Variants in SPAG16 observed in about 807,000 individuals in gnomAD.
SPAG16 encodes the protein sperm-associated antigen 16 protein.
A neutral mutation model predicts 80.4 loss-of-function variants in SPAG16; 86 were observed. That is an observed-to-expected ratio of 1.07 (90% confidence interval 0.90 to 1.28). The LOEUF is 1.28. SPAG16 is among the 50% of genes most tolerant of loss of function. The probability of loss-of-function intolerance (pLI) is 0.00; values close to 1 mark genes in which losing one functional copy is unlikely to be tolerated. For synonymous variants in SPAG16, 294 were observed against 265.9 expected (o/e 1.11, Z -1.03); for missense variants, 870 against 765.3 (o/e 1.14, Z -1.61).
intron 15 of SPAG16, chr2:214,280,569 C>A (rs1576667120): frequency 5.1e-6 from 1 of 195,758 alleles, no homozygotes; most frequent in Non-Finnish European, 1.0e-5. Context: ...CACATATGGG[C>A]AACTGTTGTT....
intron 10 of SPAG16, among the ~76,000 whole-genome samples, chr2:213,597,571 G>T (rs1330344037): frequency 1.3e-5 from 2 of 151,958 alleles, no homozygotes; most frequent in Admixed American, 6.6e-5. Flanking sequence ...ACTTCATCTT[G>T]CTATATTATA....
In SPAG16 at chr2:214,258,732, T is replaced by G. The variant is rs191220563; in HGVS notation, c.1720+109466T>G. 7.2e-5 allele frequency among the ~76,000 whole-genome samples: 11 copies of G among 152,016 alleles called. No individual in the cohort carries two copies. The East Asian group carries it at 1.9e-3, about 27-fold the overall frequency. On this transcript the variant is annotated intron_variant, in intron 15 of 15. Transcript: ENST00000331683. ...TATGTTTCAATCTTTTAAGTTTTTATTCTTCAGATTGGATTATTTATATTA... is the reference window on the plus strand; with the variant it reads ...TATGTTTCAATCTTTTAAGTTTTTAGTCTTCAGATTGGATTATTTATATTA...
At chr2:213,691,035 G>A (rs2064922549) in intron 10 of SPAG16, among the ~76,000 whole-genome samples, 2 of 152,074 alleles carry the variant, frequency 1.3e-5, no homozygotes, top group Admixed American at 6.6e-5. Context: ...TACAGTGACG[G>A]AGGAGCCCTG....
chr2:214,198,648 T>C (rs925380408), intron 15 of SPAG16, among the ~76,000 whole-genome samples: 18 of 152,132 alleles, frequency 1.2e-4, no homozygotes, highest in Non-Finnish European at 2.6e-4. Flanking sequence ...ATGGTAGTTA[T>C]ACTTTTAGTT....
intron 10 of SPAG16, among the ~76,000 whole-genome samples, chr2:213,747,715 T>C (rs868080952): frequency 3.3e-5 from 5 of 152,200 alleles, no homozygotes; most frequent in Non-Finnish European, 5.9e-5. Context: ...TCTAGGTTTG[T>C]ATAAGTACAC....
chr2:214,326,016 C>T (rs972640677), intron 15 of SPAG16, among the ~76,000 whole-genome samples: 1 of 152,110 alleles, frequency 6.6e-6, no homozygotes, highest in Non-Finnish European at 1.5e-5. Context: ...GATTGAATAG[C>T]CCCTTCCATC....
At chr2:213,401,210 G>C (rs902859745) in intron 9 of SPAG16, among the ~76,000 whole-genome samples, 1 of 152,224 alleles carries the variant, frequency 6.6e-6, no homozygotes, top group East Asian at 1.9e-4. Context: ...ATATATGCTT[G>C]CACATTTAGG....
intron 15 of SPAG16, among the ~76,000 whole-genome samples, chr2:214,335,884 G>A (rs890227578): frequency 4.0e-5 from 6 of 148,788 alleles, no homozygotes; most frequent in African/African-American, 7.5e-5. Flanking sequence ...TCAGCCTCCC[G>A]AGTAGCTGGG....
chr2:214,157,549 AAT>A (rs1326441276), intron 15 of SPAG16, among the ~76,000 whole-genome samples: 1 of 152,052 alleles, frequency 6.6e-6, no homozygotes, highest in Non-Finnish European at 1.5e-5. Flanking sequence ...AACAACCAAA[AAT>A]ATATTAATTT....
At chr2:214,398,033 A>G (rs1309307107) in intron 15 of SPAG16, among the ~76,000 whole-genome samples, 2 of 151,988 alleles carry the variant, frequency 1.3e-5, no homozygotes, top group African/African-American at 2.4e-5. Flanking sequence ...ATAAGGGAAA[A>G]TTTTTACCCC....
intron 9 of SPAG16, among the ~76,000 whole-genome samples, chr2:213,477,004 T>G (rs2073438329): frequency 6.6e-6 from 1 of 152,170 alleles, no homozygotes; most frequent in South Asian, 2.1e-4. Flanking sequence ...TGTTGCCATC[T>G]GTGAAGCTGA....
chr2:213,631,692 T>C (rs1227602639), intron 10 of SPAG16, among the ~76,000 whole-genome samples: 1 of 152,226 alleles, frequency 6.6e-6, no homozygotes, highest in Non-Finnish European at 1.5e-5. Flanking sequence ...AGTTTGATTC[T>C]TCTGCTTACG....
chr2:214,154,245 G>T (rs1376285918), intron 15 of SPAG16, among the ~76,000 whole-genome samples: 3 of 152,214 alleles, frequency 2.0e-5, no homozygotes, highest in Admixed American at 6.5e-5. Context: ...TGTTTATGTA[G>T]TTTAGCAATA....
intron 1 of SPAG16, among the ~76,000 whole-genome samples, chr2:213,291,619 C>T (rs1432805882): frequency 6.6e-6 from 1 of 152,070 alleles, no homozygotes; most frequent in Non-Finnish European, 1.5e-5. Flanking sequence ...TTTGATTTAC[C>T]TGTTATTAAT....
At chr2:214,104,020 A>G (rs1438909535) in intron 13 of SPAG16, among the ~76,000 whole-genome samples, 4 of 152,110 alleles carry the variant, frequency 2.6e-5, no homozygotes, top group Non-Finnish European at 4.4e-5. Context: ...TGAAATCTAA[A>G]CAAATCTTCC....
intron 10 of SPAG16, among the ~76,000 whole-genome samples, chr2:213,525,284 CTT>C (rs71060436): frequency 0.057 from 5,732 of 99,900 alleles, 118 homozygotes; most frequent in African/African-American, 0.16. Context: ...TTTTCCTTTT[CTT>C]TTTTTTTTTT....
intron 13 of SPAG16, among the ~76,000 whole-genome samples, chr2:214,097,792 A>G (rs972348336): frequency 1.4e-4 from 22 of 152,118 alleles, no homozygotes; most frequent in Admixed American, 1.1e-3. Flanking sequence ...CTCTGCTATC[A>G]TAGAGCTTGC....
chr2:214,167,864 G>A (rs1446897552), intron 15 of SPAG16, among the ~76,000 whole-genome samples: 5 of 150,890 alleles, frequency 3.3e-5, no homozygotes, highest in African/African-American at 1.2e-4. Context: ...AGGAACCAAG[G>A]TCTCCAGAGT....
At chr2:213,733,966 G>C (rs2067176874) in intron 10 of SPAG16, among the ~76,000 whole-genome samples, 1 of 152,062 alleles carries the variant, frequency 6.6e-6, no homozygotes, top group Non-Finnish European at 1.5e-5. Context: ...TGAGTTTCTA[G>C]AGAAAGAAAG....
Sources: allele counts gnomAD v4.1 joint callset (sites outside exome capture counted in the v4.1 genomes callset), GRCh38; gene constraint gnomAD v4.1.1; transcripts MANE v1.5; gene names NCBI Gene and HGNC (gene_info 2026-07-23, HGNC 2026-07-21).